The following ATP11A variants were observed in gnomAD, a reference collection of about 807,000 sequenced individuals.
ATP11A encodes the protein phospholipid-transporting ATPase IH.
Under a neutral mutation model 154.4 loss-of-function variants are expected in ATP11A, and 81 were observed. That is an observed-to-expected ratio of 0.52 (90% CI 0.44 to 0.63). The LOEUF (loss-of-function observed/expected upper bound fraction) is 0.63, where lower values mean the gene tolerates loss of function less well. ATP11A is among the 30% of genes least tolerant of loss of function. The pLI is 0.00. For missense variants in ATP11A, 1,316 were observed against 1,474.3 expected (o/e 0.89, Z 1.76); for synonymous variants, 623 against 585.9 (o/e 1.06, Z -0.91).
At chr13:112,717,519 T>A (rs943620108) in intron 1 of ATP11A, 6 of 152,212 alleles carry the variant, frequency 3.9e-5, no homozygotes, top group African/African-American at 1.4e-4. Context: ...GTGGTACATG[T>A]TTATGATTTT....
intron 17 of ATP11A, among the ~76,000 whole-genome samples, chr13:112,843,137 C>G (rs182664362): frequency 2.0e-5 from 3 of 151,702 alleles, no homozygotes; most frequent in Non-Finnish European, 4.4e-5. Flanking sequence ...TGGACGTGCT[C>G]TCTCCCGTCA....
intron 25 of ATP11A, among the ~76,000 whole-genome samples, chr13:112,867,342 T>G (rs540124212): frequency 7.2e-5 from 11 of 152,296 alleles, no homozygotes; most frequent in African/African-American, 2.6e-4. Flanking sequence ...CTTCATGGTG[T>G]TGCCCAGTGC....
intron 16 of ATP11A, among the ~76,000 whole-genome samples, 194 bp downstream of exon 16, chr13:112,836,445 G>A (rs1269989281): frequency 6.6e-6 from 1 of 152,132 alleles, no homozygotes; most frequent in Non-Finnish European, 1.5e-5. Flanking sequence ...GGAATGCTGA[G>A]GAAGGAGTCC....
intron 1 of ATP11A, among the ~76,000 whole-genome samples, chr13:112,701,130 A>T (rs1886472416): frequency 6.6e-6 from 1 of 152,180 alleles, no homozygotes; most frequent in South Asian, 2.1e-4. Flanking sequence ...AATACACAGA[A>T]ATTCGAGTCC....
At chr13:112,868,835 C>T (rs1459037589) in intron 25 of ATP11A, among the ~76,000 whole-genome samples, 1 of 152,070 alleles carries the variant, frequency 6.6e-6, no homozygotes, top group Non-Finnish European at 1.5e-5. Context: ...TAGGAAGCAT[C>T]GCTGGGGAGG....
Position 112,877,116 on chromosome 13 carries a change from A to G in ATP11A, c.3328-1101A>G, listed in dbSNP as rs528442059. ...AGTGAAAATGTCCACACACAGCTCC[A>G]CTGACTCGGGGGCCACAGGCAGGAG... On this transcript the variant is annotated intron_variant, in intron 28 of 29. Coordinates refer to ENST00000375645, the MANE Select transcript of ATP11A (RefSeq NM_015205.3). Among the ~76,000 whole-genome samples, 3 of 152,286 alleles carry G rather than the reference A, an allele frequency of 2.0e-5. No homozygotes were observed. In the East Asian group the frequency reaches 5.8e-4, roughly 29 times the overall value.
chr13:112,824,432 C>T lies in ATP11A; in HGVS notation c.872+7C>T. 6.2e-7 allele frequency: 1 copy of T among 1,613,462 alleles called. No homozygotes were observed. The highest frequency in any genetic ancestry group is 8.5e-7 in the Non-Finnish European group (1 of 1,179,410). On this transcript the variant is annotated splice_region_variant and intron_variant, in intron 10 of 29. Transcript: ENST00000375645. Reference sequence around the variant, plus strand: ...AGCGATCTGCCGTGGAAAAGTAAGGCTGGATGCGCGTGAGAACCTGCAACT... The same window carrying T: ...AGCGATCTGCCGTGGAAAAGTAAGGTTGGATGCGCGTGAGAACCTGCAACT...
intron 13 of ATP11A, among the ~76,000 whole-genome samples, chr13:112,832,462 C>A (rs182764377): frequency 6.6e-6 from 1 of 152,196 alleles, no homozygotes; most frequent in African/African-American, 2.4e-5. Context: ...ACGTCCCCAT[C>A]GCACAGGCAC....
chr13:112,713,981 T>C (rs1484298704), intron 1 of ATP11A, among the ~76,000 whole-genome samples: 9 of 52,732 alleles, frequency 1.7e-4, no homozygotes, highest in Middle Eastern at 0.01. Context: ...CCAGCTTCCA[T>C]TCCTGGCCCC....
rs149965760 is a variant in ATP11A at position 112,788,914 on chromosome 13, A to T, written c.162+3657A>T. ...GTAGACCTATTTAATTCACACCAGG[A>T]GTCCTGATATGTAGATCCCTGTGGA... On this transcript the variant is annotated intron_variant, in intron 2 of 29. Transcript: ENST00000375645. 1.5e-3 allele frequency among the ~76,000 whole-genome samples: 205 copies of T among 139,962 alleles called. 1 individual carries two copies. The highest frequency in any genetic ancestry group is 4.3e-3 in the Admixed American group (61 of 14,274). The allele number at this position is 139,962 out of a possible 152,430, so 91.8% of individuals were successfully genotyped here.
chr13:112,788,035 A>ATG (rs2077704474), intron 2 of ATP11A, among the ~76,000 whole-genome samples: 2 of 33,666 alleles, frequency 5.9e-5, no homozygotes, highest in African/African-American at 2.1e-4. Context: ...ATTCACACCA[A>ATG]GTGTCCTGAT....
At chr13:112,802,311 A>G (rs900103196) in intron 2 of ATP11A, among the ~76,000 whole-genome samples, 2 of 152,066 alleles carry the variant, frequency 1.3e-5, no homozygotes, top group African/African-American at 2.4e-5. Context: ...GCGCCACTGC[A>G]CTCCAGCCTG....
At chr13:112,815,458 C>T (rs1374620486) in intron 5 of ATP11A, among the ~76,000 whole-genome samples, 1 of 152,038 alleles carries the variant, frequency 6.6e-6, no homozygotes, top group Non-Finnish European at 1.5e-5. Context: ...CCTTCCTCAT[C>T]CTTCAGACAC....
chr13:112,843,497 C>G (rs1430392731), intron 17 of ATP11A, among the ~76,000 whole-genome samples: 1 of 152,202 alleles, frequency 6.6e-6, no homozygotes, highest in East Asian at 1.9e-4. Flanking sequence ...GAAACAGTAA[C>G]TGACAGGCTC....
chr13:112,729,489 G>T (rs9285619), intron 1 of ATP11A, among the ~76,000 whole-genome samples: 3 of 151,734 alleles, frequency 2.0e-5, no homozygotes, highest in Non-Finnish European at 4.4e-5. Flanking sequence ...ACGCGTCTGC[G>T]TGTGAACAGT....
chr13:112,720,420 C>T (rs1238201824), intron 1 of ATP11A, among the ~76,000 whole-genome samples: 1 of 152,230 alleles, frequency 6.6e-6, no homozygotes, highest in Non-Finnish European at 1.5e-5. Context: ...GCCCGACGCG[C>T]AGGGTCAGGG....
At chr13:112,710,738 T>G (rs1441358086) in intron 1 of ATP11A, among the ~76,000 whole-genome samples, 1 of 152,212 alleles carries the variant, frequency 6.6e-6, no homozygotes. Context: ...GAAGACCAGT[T>G]CCAGTCTTTG....
intron 1 of ATP11A, among the ~76,000 whole-genome samples, chr13:112,721,655 C>T (rs1338220668): frequency 2.0e-5 from 3 of 152,188 alleles, no homozygotes; most frequent in African/African-American, 7.2e-5. Flanking sequence ...TGGGGTTAGT[C>T]CCGGGGTCAG....
At chr13:112,834,032 C>G (rs2079166444) in intron 14 of ATP11A, among the ~76,000 whole-genome samples, 1 of 152,268 alleles carries the variant, frequency 6.6e-6, no homozygotes, top group Non-Finnish European at 1.5e-5. Context: ...TGCTCTGTCT[C>G]TGCCGTCCCA....
Sources: gnomAD v4.1 joint callset for allele counts (sites outside exome capture counted in the v4.1 genomes callset) on GRCh38, gnomAD v4.1.1 for gene constraint, MANE v1.5 for transcripts, NCBI Gene and HGNC (gene_info 2026-07-23, HGNC 2026-07-21) for gene names.